Variants in ANXA6 observed in about 807,000 individuals in gnomAD.
The protein encoded by ANXA6 is annexin A6.
Under a neutral mutation model 95.4 loss-of-function variants are expected in ANXA6, and 71 were observed. That is an observed-to-expected ratio of 0.74 (90% CI 0.61 to 0.91). ANXA6 has a LOEUF of 0.91. Ranked by LOEUF, ANXA6 falls within the 40% of genes least tolerant of loss-of-function variation. The pLI is 0.00. For missense variants in ANXA6, 830 were observed against 876.4 expected (o/e 0.95, Z 0.67); for synonymous variants, 289 against 315.9 (o/e 0.91, Z 0.90).
At chr5:151,144,733 C>T (rs1453851989) in intron 2 of ANXA6, among the ~76,000 whole-genome samples, 1 of 152,144 alleles carries the variant, frequency 6.6e-6, no homozygotes, top group Non-Finnish European at 1.5e-5. Context: ...CAAACGCTCA[C>T]TTAGAGACAA....
At chr5:151,126,590 G>T (rs3815722) in intron 13 of ANXA6, 110 bp from the exon 14 acceptor site, 1 of 817,212 alleles carries the variant, frequency 1.2e-6, no homozygotes, top group Non-Finnish European at 2.0e-6. Context: ...ATACACACAC[G>T]TGCACACACC....
chr5:151,122,439 A>G (rs1424558410), intron 16 of ANXA6, among the ~76,000 whole-genome samples, 179 bp from the exon 17 acceptor site: 1 of 152,096 alleles, frequency 6.6e-6, no homozygotes, highest in East Asian at 1.9e-4. Context: ...GGGAAAAAAC[A>G]ACCAGGAGGA....
At chr5:151,110,706 G>A in intron 20 of ANXA6, 62 bp from the exon 21 acceptor site, 1 of 1,597,814 alleles carries the variant, frequency 6.3e-7, no homozygotes, top group Non-Finnish European at 8.6e-7. Flanking sequence ...GGAGGTTGGG[G>A]AGGCTGGTGC....
chr5:151,114,029 C>G (rs1401527997), intron 20 of ANXA6, among the ~76,000 whole-genome samples: 1 of 152,146 alleles, frequency 6.6e-6, no homozygotes, highest in Non-Finnish European at 1.5e-5. Flanking sequence ...GAAGCCAGTC[C>G]AAAAGGCCAC....
chr5:151,142,952 G>A (rs1271623672), intron 2 of ANXA6, among the ~76,000 whole-genome samples: 1 of 152,188 alleles, frequency 6.6e-6, no homozygotes, highest in African/African-American at 2.4e-5. Context: ...CCTTCCACCT[G>A]TCTGACCAAC....
intron 4 of ANXA6, 65 bp downstream of exon 4, chr5:151,139,288 G>T: frequency 1.7e-6 from 2 of 1,200,698 alleles, no homozygotes; most frequent in Non-Finnish European, 1.2e-6. Context: ...ACCTGAACGA[G>T]CACACAGGTG....
intron 20 of ANXA6, among the ~76,000 whole-genome samples, chr5:151,116,673 T>C (rs1765008355): frequency 6.6e-6 from 1 of 152,248 alleles, no homozygotes. Flanking sequence ...ACTTACTTTC[T>C]AGGCTCGTCC....
At chr5:151,121,762 A>G (rs1310625882) in intron 17 of ANXA6, among the ~76,000 whole-genome samples, 2 of 152,224 alleles carry the variant, frequency 1.3e-5, no homozygotes, top group East Asian at 3.8e-4. Flanking sequence ...CTTAAGCTGA[A>G]TCAACTTGGA....
chr5:151,157,260 A>T (rs190898591), intron 1 of ANXA6, among the ~76,000 whole-genome samples: 6 of 152,118 alleles, frequency 3.9e-5, no homozygotes, highest in Non-Finnish European at 7.4e-5. Flanking sequence ...TCTTGCTCTC[A>T]GTCTTGGGCC....
chr5:151,132,265 G>A (rs1765533918), intron 10 of ANXA6, among the ~76,000 whole-genome samples: 1 of 152,188 alleles, frequency 6.6e-6, no homozygotes, highest in African/African-American at 2.4e-5. Context: ...GAAGGGAGCT[G>A]GAGGAAGTCA....
chr5:151,117,292 C>T (rs11747529), intron 19 of ANXA6, 112 bp from the exon 20 acceptor site: 254,546 of 1,088,832 alleles, frequency 0.23, 33,239 homozygotes, highest in Middle Eastern at 0.28. Context: ...TCCTCATCAG[C>T]TACACAGGGA....
intron 21 of ANXA6, 121 bp from the exon 22 acceptor site, chr5:151,109,967 T>C (rs1764804538): frequency 1.4e-6 from 1 of 728,202 alleles, no homozygotes; most frequent in African/African-American, 1.7e-5. Context: ...CACCCAGCCA[T>C]CCAAGGGGGC....
At chr5:151,124,160 G>T in intron 15 of ANXA6, 126 bp downstream of exon 15, 3 of 809,696 alleles carry the variant, frequency 3.7e-6, no homozygotes, top group South Asian at 1.6e-5. Context: ...GGAAACTTGA[G>T]ATCAAGCCTT....
intron 16 of ANXA6, among the ~76,000 whole-genome samples, chr5:151,122,581 T>G (rs541402054): frequency 6.6e-6 from 1 of 152,176 alleles, no homozygotes; most frequent in Non-Finnish European, 1.5e-5. Flanking sequence ...TGACACTCAG[T>G]TGGGGCCTTG....
At chr5:151,121,499 C>T (rs1025975606) in intron 17 of ANXA6, among the ~76,000 whole-genome samples, 7 of 152,186 alleles carry the variant, frequency 4.6e-5, no homozygotes, top group African/African-American at 2.4e-5. Context: ...GTCAGGTCTT[C>T]GGAGTTAACA....
At chr5:151,127,949 A>C (rs889218925) in intron 13 of ANXA6, among the ~76,000 whole-genome samples, 1 of 152,192 alleles carries the variant, frequency 6.6e-6, no homozygotes, top group African/African-American at 2.4e-5. Flanking sequence ...TCACAAGAGC[A>C]GACATCTCCA....
At chr5:151,115,655 A>G (rs73799446) in intron 20 of ANXA6, among the ~76,000 whole-genome samples, 2,257 of 152,352 alleles carry the variant, frequency 0.015, 51 homozygotes, top group African/African-American at 0.051. Flanking sequence ...AATACTTAAT[A>G]AACGTCTGTT....
chr5:151,126,374 G>A, intron 14 of ANXA6, 28 bp downstream of exon 14: 3 of 1,585,742 alleles, frequency 1.9e-6, no homozygotes, highest in Non-Finnish European at 1.7e-6. Flanking sequence ...TGGTCAAGAG[G>A]TCAAGCAGGA....
chr5:151,115,043 T>C (rs1203072159), intron 20 of ANXA6, among the ~76,000 whole-genome samples: 1 of 152,214 alleles, frequency 6.6e-6, no homozygotes, highest in African/African-American at 2.4e-5. Context: ...TTCATGAATG[T>C]GATAAAAGAG....
Sources: allele counts gnomAD v4.1 joint callset (sites outside exome capture counted in the v4.1 genomes callset), GRCh38; gene constraint gnomAD v4.1.1; transcripts MANE v1.5; gene names NCBI Gene and HGNC (gene_info 2026-07-23, HGNC 2026-07-21).